Variants in CNKSR2 observed in about 807,000 individuals in gnomAD.
The protein encoded by CNKSR2 is CNK homolog protein 2.
In CNKSR2, 14 loss-of-function variants were observed where a neutral mutation model predicts 84.4. That is an observed-to-expected ratio of 0.17 (90% CI 0.11 to 0.26). The LOEUF is 0.26. Ranked by LOEUF, CNKSR2 falls within the 10% of genes least tolerant of loss-of-function variation. CNKSR2 has a pLI of 1.00. For synonymous variants in CNKSR2, 275 were observed against 277.9 expected (o/e 0.99, Z 0.10); for missense variants, 485 against 771.2 (o/e 0.63, Z 4.40).
At chrX:21,506,083 A>T (rs2091609254) in intron 8 of CNKSR2, 1 of 111,155 alleles carries the variant, frequency 9.0e-6, no homozygotes, top group Admixed American at 9.6e-5. Flanking sequence ...GATACTGAAA[A>T]CTGAGACCAC....
chrX:21,473,045 T>C (rs933634152), intron 5 of CNKSR2, among the ~76,000 whole-genome samples: 10 of 111,927 alleles, frequency 8.9e-5, no homozygotes, highest in African/African-American at 2.9e-4. Flanking sequence ...TTGACTCATA[T>C]TGACTTTATC....
At chrX:21,614,128 A>G (rs1255146099) in intron 20 of CNKSR2, among the ~76,000 whole-genome samples, 1 of 111,297 alleles carries the variant, frequency 9.0e-6, no homozygotes, top group Non-Finnish European at 1.9e-5. Context: ...TAGGGGCTAG[A>G]TTATGAGTAC....
At chrX:21,565,518 A>T (rs1282291446) in intron 13 of CNKSR2, among the ~76,000 whole-genome samples, 1 of 111,571 alleles carries the variant, frequency 9.0e-6, no homozygotes, top group Non-Finnish European at 1.9e-5. Flanking sequence ...TGTTTTTATT[A>T]TATGTCTTGA....
chrX:21,632,618 A>G (rs1464729372), intron 20 of CNKSR2, among the ~76,000 whole-genome samples: 2 of 112,074 alleles, frequency 1.8e-5, no homozygotes, highest in African/African-American at 6.5e-5. Context: ...TTCAAATTAT[A>G]TGACAATATT....
chrX:21,501,713 T>G (rs1309450746), intron 8 of CNKSR2, 125 bp downstream of exon 8: 1 of 357,021 alleles, frequency 2.8e-6, no homozygotes, highest in Non-Finnish European at 4.9e-6. Flanking sequence ...TTTGAAAAAA[T>G]AACTGAATAT....
intron 8 of CNKSR2, among the ~76,000 whole-genome samples, chrX:21,511,416 C>T (rs868831086): frequency 9.0e-6 from 1 of 110,744 alleles, no homozygotes; most frequent in Non-Finnish European, 1.9e-5. Flanking sequence ...ACCCTCCTTT[C>T]GAGTTTCAAG....
intron 13 of CNKSR2, among the ~76,000 whole-genome samples, chrX:21,586,351 A>C (rs1249033425): frequency 8.9e-6 from 1 of 111,965 alleles, no homozygotes; most frequent in African/African-American, 3.2e-5. Flanking sequence ...GGTGTCTACA[A>C]GTAACAAAAA....
chrX:21,599,162 T>C (rs1400499046), intron 17 of CNKSR2, among the ~76,000 whole-genome samples: 1 of 112,541 alleles, frequency 8.9e-6, no homozygotes, highest in East Asian at 2.8e-4. Flanking sequence ...TTACGTCTTA[T>C]TTATTTCCGT....
At chrX:21,475,124 G>A (rs958841859) in intron 5 of CNKSR2, among the ~76,000 whole-genome samples, 1 of 111,764 alleles carries the variant, frequency 8.9e-6, no homozygotes. Context: ...CTACTTGATA[G>A]CACAACAGAG....
chrX:21,394,316 G>T (rs1015583808), intron 1 of CNKSR2, among the ~76,000 whole-genome samples: 1 of 111,164 alleles, frequency 9.0e-6, no homozygotes, highest in Non-Finnish European at 1.9e-5. Flanking sequence ...TTATGATATG[G>T]CATGAAAATA....
chrX:21,513,528 T>C (rs2091696767), intron 8 of CNKSR2, among the ~76,000 whole-genome samples: 1 of 111,946 alleles, frequency 8.9e-6, no homozygotes, highest in Non-Finnish European at 1.9e-5. Context: ...TTTTTGGATA[T>C]CTTTTTCTAT....
chrX:21,623,123 G>C (rs1418784201), intron 20 of CNKSR2, among the ~76,000 whole-genome samples: 1 of 111,203 alleles, frequency 9.0e-6, no homozygotes, highest in Non-Finnish European at 1.9e-5. Context: ...TTAGATCCAA[G>C]TCCTAACCCT....
intron 17 of CNKSR2, among the ~76,000 whole-genome samples, chrX:21,600,747 C>T (rs1340258157): frequency 8.9e-6 from 1 of 112,297 alleles, no homozygotes; most frequent in Non-Finnish European, 1.9e-5. Context: ...CTTTGGAAAA[C>T]CCCATACCCT....
In CNKSR2 at chrX:21,446,990, A is replaced by G. The variant is rs781688163; in HGVS notation, c.519+6209A>G. Reference sequence around the variant, plus strand: ...TACTTTTGAGCTCCTCTCCCATTTCATCAGCTTGCCTCCTCAAGGTGTTTA... The same window carrying G: ...TACTTTTGAGCTCCTCTCCCATTTCGTCAGCTTGCCTCCTCAAGGTGTTTA... On this transcript the variant is annotated intron_variant, in intron 4 of 21. Transcript: ENST00000379510. Among the ~76,000 whole-genome samples the G allele has an allele frequency of 1.1e-3, 128 of 111,484 alleles. 2 individuals are homozygous for G. The highest frequency in any genetic ancestry group is 3.9e-3 in the African/African-American group (120 of 30,862).
intron 5 of CNKSR2, among the ~76,000 whole-genome samples, chrX:21,479,000 C>A (rs1296424377): frequency 2.7e-5 from 3 of 111,580 alleles, no homozygotes; most frequent in Non-Finnish European, 5.7e-5. Flanking sequence ...TTAGTGTAGC[C>A]ATCACCTGAA....
intron 4 of CNKSR2, among the ~76,000 whole-genome samples, chrX:21,459,935 A>G (rs2091041014): frequency 1.8e-5 from 2 of 111,491 alleles, no homozygotes; most frequent in South Asian, 7.6e-4. Flanking sequence ...CTTAAATTAG[A>G]CACTGTTTTT....
At chrX:21,643,087 C>T (rs1602069115) in intron 20 of CNKSR2, 1 of 110,126 alleles carries the variant, frequency 9.1e-6, no homozygotes, top group East Asian at 2.8e-4. Flanking sequence ...TATAGTGACT[C>T]CACATTAATT....
intron 11 of CNKSR2, among the ~76,000 whole-genome samples, chrX:21,547,310 G>A (rs1360774681): frequency 1.8e-5 from 2 of 111,135 alleles, no homozygotes; most frequent in Non-Finnish European, 3.8e-5. Context: ...AGACTTTAAA[G>A]CAACAAAGAT....
At position 21,374,503 on chromosome X, in the gene CNKSR2, A is replaced by C. The variant is rs1279608282; in HGVS notation, c.-395A>C. 2.6e-6 allele frequency: 1 copy of C among 391,203 alleles called. No homozygotes were observed. Among genetic ancestry groups the C allele is most frequent in the Non-Finnish European group, 4.5e-6 (1 of 221,072 alleles). 32.2% of individuals were successfully genotyped at this position (391,203 alleles called of 1,213,427 possible). A position where few individuals can be genotyped will look rare whatever the true frequency, so the allele number is the denominator to read the frequency against. Reference sequence around the variant, plus strand: ...GGCAAGTTGGCTGAGGGCGTGCGGCAGAGGCTGCTTCCCTCGGCGACGCGA... The same window carrying C: ...GGCAAGTTGGCTGAGGGCGTGCGGCCGAGGCTGCTTCCCTCGGCGACGCGA... On this transcript the variant is annotated 5_prime_UTR_variant, in exon 1 of 22. Coordinates refer to ENST00000379510, the MANE Select transcript of CNKSR2 (RefSeq NM_014927.5).
Sources: gnomAD v4.1 joint callset for allele counts (sites outside exome capture counted in the v4.1 genomes callset) on GRCh38, gnomAD v4.1.1 for gene constraint, MANE v1.5 for transcripts, NCBI Gene and HGNC (gene_info 2026-07-23, HGNC 2026-07-21) for gene names.